The following SMIM18 variants were observed in gnomAD, a reference collection of about 807,000 sequenced individuals.
SMIM18 encodes the protein small integral membrane protein 18.
Under a neutral mutation model 5.9 loss-of-function variants are expected in SMIM18, and 4 were observed. The ratio of observed to expected loss-of-function variants is 0.68; its 90% CI spans 0.33 to 1.56. The LOEUF is 1.56. SMIM18 is among the 40% of genes most tolerant of loss of function. SMIM18 has a pLI of 0.06. For missense variants in SMIM18, 89 were observed against 109.7 expected, an observed-to-expected ratio of 0.81 and a Z score of 0.84; for synonymous variants, 37 against 37.4, an observed-to-expected ratio of 0.99 and a Z score of 0.04.
intron 1 of SMIM18, among the ~76,000 whole-genome samples, chr8:30,643,009 T>G (rs1801906135): frequency 1.3e-5 from 2 of 152,226 alleles, no homozygotes; most frequent in Non-Finnish European, 2.9e-5. Flanking sequence ...GAGTGCAATG[T>G]GCATTTTCCT....
chr8:30,643,334 G>C (rs1219239864), intron 1 of SMIM18: 1 of 152,042 alleles, frequency 6.6e-6, no homozygotes, highest in Non-Finnish European at 1.5e-5. Flanking sequence ...GGTAGAGATG[G>C]GCCAAGAGTT....
chr8:30,645,433 T>A lies in SMIM18; in HGVS notation c.124T>A (p.Phe42Ile), dbSNP rs1446937144. ...NTACFVILLLFIFTVVSLVVL... is the reference protein window; with the variant it reads ...NTACFVILLLIIFTVVSLVVL... ...TGCCTGCTTTGTCATCCTGCTTTTA[T>A]TTATATTTACAGTGGTATCTTTAGT... Residue 42 changes from phenylalanine to isoleucine, a missense_variant, in exon 3 of 3, where the codon TTT (phenylalanine) becomes ATT (isoleucine). Coordinates refer to ENST00000517349, the MANE Select transcript of SMIM18 (RefSeq NM_001206847.2). The A allele has an allele frequency of 6.5e-7, 1 of 1,535,710 alleles. No individual in the cohort carries two copies. Among genetic ancestry groups the A allele is most frequent in the Admixed American group, 2.0e-5 (1 of 51,008 alleles).
chr8:30,643,860 TAAA>T, intron 1 of SMIM18: 1 of 152,028 alleles, frequency 6.6e-6, no homozygotes, highest in African/African-American at 2.4e-5. Flanking sequence ...TAGTTTTCGT[TAAA>T]TGAAACACTC....
At position 30,645,592 on chromosome 8, in the gene SMIM18, G is replaced by A; in HGVS notation, c.283G>A (p.Val95Ile). ...CATCAGAAAACGTGAAACTGAAGTGGTCTAACACTCTATAGAAGATGAACA... is the reference window on the plus strand; with the variant it reads ...CATCAGAAAACGTGAAACTGAAGTGATCTAACACTCTATAGAAGATGAACA... ...DNIRKRETEV[V>I] The change falls in exon 3 of 3, where the codon GTC becomes ATC. Residue 95 changes from valine (V) to isoleucine (I), a missense_variant. Physicochemically the swap from Val to Ile is conservative, Grantham distance 29. Coordinates refer to ENST00000517349, the MANE Select transcript of SMIM18 (RefSeq NM_001206847.2). 6.5e-7 allele frequency: 1 copy of A among 1,535,090 alleles called. No individual in the cohort carries two copies. Among genetic ancestry groups the A allele is most frequent in the Non-Finnish European group, 8.7e-7 (1 of 1,146,670 alleles).
At chr8:30,638,959 C>T (rs1469529650) in intron 1 of SMIM18, among the ~76,000 whole-genome samples, 1 of 152,038 alleles carries the variant, frequency 6.6e-6, no homozygotes, top group Non-Finnish European at 1.5e-5. Flanking sequence ...TTTCTCTGAG[C>T]GATTTCATTT....
At chr8:30,643,537 T>G (rs972691835) in intron 1 of SMIM18, 2 of 151,786 alleles carry the variant, frequency 1.3e-5, no homozygotes, top group Non-Finnish European at 2.9e-5. Flanking sequence ...ATGCCTGTAA[T>G]CCCAGCTACT....
intron 1 of SMIM18, 88 bp from the exon 2 acceptor site, chr8:30,644,404 T>G (rs1437539422): frequency 6.6e-6 from 1 of 152,212 alleles, no homozygotes; most frequent in Non-Finnish European, 1.5e-5. Flanking sequence ...TAGGGTCTCT[T>G]CACAGATCAC....
intron 1 of SMIM18, among the ~76,000 whole-genome samples, chr8:30,642,912 A>G (rs532207990): frequency 1.8e-4 from 28 of 152,326 alleles, no homozygotes; most frequent in African/African-American, 4.6e-4. Context: ...GGACCTGAAA[A>G]TATTTTAAGC....
At chr8:30,642,665 T>C (rs1801889508) in intron 1 of SMIM18, among the ~76,000 whole-genome samples, 1 of 152,190 alleles carries the variant, frequency 6.6e-6, no homozygotes, top group Admixed American at 6.5e-5. Context: ...TAAGAGTATA[T>C]GTTTTCCCTC....
chr8:30,640,153 A>G (rs1801762499), intron 1 of SMIM18, among the ~76,000 whole-genome samples: 1 of 152,188 alleles, frequency 6.6e-6, no homozygotes, highest in Non-Finnish European at 1.5e-5. Flanking sequence ...GACTGGAGAC[A>G]TGGCCTAAGT....
At chr8:30,643,356 T>G (rs1801924361) in intron 1 of SMIM18, 2 of 152,034 alleles carry the variant, frequency 1.3e-5, no homozygotes, top group African/African-American at 4.8e-5. Context: ...ATGAATGAAG[T>G]TGCATTATAA....
chr8:30,642,357 A>G (rs7826103), intron 1 of SMIM18, among the ~76,000 whole-genome samples: 5,120 of 151,834 alleles, frequency 0.034, 286 homozygotes, highest in African/African-American at 0.12. Flanking sequence ...CATAAGCAGG[A>G]ATAAAAGAAT....
intron 1 of SMIM18, chr8:30,643,883 AG>A (rs1801957400): frequency 6.6e-6 from 1 of 152,276 alleles, no homozygotes; most frequent in Admixed American, 6.5e-5. Context: ...CTCACACAAA[AG>A]GTATCTCCAG....
At position 30,645,921 on chromosome 8, in the gene SMIM18, T is replaced by C. The variant is rs1802058951; in HGVS notation, c.*324T>C. On this transcript the variant is annotated 3_prime_UTR_variant, in exon 3 of 3. Coordinates refer to ENST00000517349, the MANE Select transcript of SMIM18 (RefSeq NM_001206847.2). ...ACAAGCAAGGCTAATGATGCTAAAATGATTTTATAACTAACCAATTCATGT... is the reference window on the plus strand; with the variant it reads ...ACAAGCAAGGCTAATGATGCTAAAACGATTTTATAACTAACCAATTCATGT... The C allele has an allele frequency of 4.7e-6, 1 of 211,944 alleles. No individual in the cohort carries two copies. The highest frequency in any genetic ancestry group is 2.3e-5 in the African/African-American group (1 of 43,514). The allele number at this position is 211,944 out of a possible 1,614,324, so 13.1% of individuals were successfully genotyped here.
At chr8:30,639,789 C>A (rs1389211483) in intron 1 of SMIM18, among the ~76,000 whole-genome samples, 1 of 149,860 alleles carries the variant, frequency 6.7e-6, no homozygotes, top group Non-Finnish European at 1.5e-5. Context: ...TTCATAATTT[C>A]TATTCCTTTT....
intron 1 of SMIM18, among the ~76,000 whole-genome samples, chr8:30,639,145 ATTT>A (rs1309347011): frequency 1.3e-5 from 2 of 152,172 alleles, no homozygotes; most frequent in South Asian, 2.1e-4. Flanking sequence ...GTTCAAAATT[ATTT>A]TTATTTTGCT....
intron 1 of SMIM18, among the ~76,000 whole-genome samples, chr8:30,642,803 G>A (rs1801896706): frequency 6.6e-6 from 1 of 152,184 alleles, no homozygotes; most frequent in Non-Finnish European, 1.5e-5. Context: ...CAGAAGAATA[G>A]CTCATTAATG....
chr8:30,642,621 GTCTT>G (rs1384709081), intron 1 of SMIM18, among the ~76,000 whole-genome samples: 1 of 150,112 alleles, frequency 6.7e-6, no homozygotes, highest in Non-Finnish European at 1.5e-5. Flanking sequence ...TTTCTTGTAG[GTCTT>G]TCTAAGATTT....
In SMIM18 at chr8:30,645,572, GAA is replaced by G. The variant is rs1316100214; in HGVS notation, c.266_267del (p.Lys89ThrfsTer2). 1.3e-6 allele frequency: 2 copies of G among 1,535,466 alleles called. No homozygotes were observed. The highest frequency in any genetic ancestry group is 2.7e-5 in the African/African-American group (2 of 73,018). ...CTTAGAAGTATGATGGACAACATCA[GAA>G]AACGTGAAACTGAAGTGGTCTAACA... On this transcript the variant is annotated frameshift_variant, in exon 3 of 3. Coordinates refer to ENST00000517349, the MANE Select transcript of SMIM18 (RefSeq NM_001206847.2). LOFTEE classifies it high-confidence loss of function.
Sources: allele counts gnomAD v4.1 joint callset (sites outside exome capture counted in the v4.1 genomes callset), GRCh38; gene constraint gnomAD v4.1.1; transcripts MANE v1.5; gene names NCBI Gene and HGNC (gene_info 2026-07-23, HGNC 2026-07-21).